Variants in SPICE1 observed in about 807,000 individuals in gnomAD.
The protein encoded by SPICE1 is spindle and centriole associated protein 1.
SPICE1 carries 75 observed loss-of-function variants against 102.7 expected under a neutral mutation model. The ratio of observed to expected loss-of-function variants is 0.73; its 90% CI spans 0.61 to 0.88. The LOEUF (loss-of-function observed/expected upper bound fraction) is 0.88. Among genes scored for constraint, SPICE1 ranks in the 40% least tolerant of loss-of-function variants. The probability of loss-of-function intolerance (pLI) is 0.00; values close to 1 mark genes in which losing one functional copy is unlikely to be tolerated. For synonymous variants in SPICE1, 308 were observed against 350.3 expected, an observed-to-expected ratio of 0.88 and a Z score of 1.35; for missense variants, 979 against 1,020.1, an observed-to-expected ratio of 0.96 and a Z score of 0.55.
At chr3:113,454,308 T>C (rs1447270177) in intron 13 of SPICE1, among the ~76,000 whole-genome samples, 2 of 152,126 alleles carry the variant, frequency 1.3e-5, no homozygotes, top group Admixed American at 6.5e-5. Flanking sequence ...TCTGAGGAAG[T>C]AAAATTTTTA....
rs1204203029 is a variant in SPICE1 at position 113,468,211 on chromosome 3, G to A, written c.1083C>T (p.Ser361=). 3 of 1,614,042 alleles carry A rather than the reference G, an allele frequency of 1.9e-6. No individual in the cohort carries two copies. Among genetic ancestry groups the A allele is most frequent in the Non-Finnish European group, 2.5e-6 (3 of 1,180,038 alleles). The stretch of plus-strand genomic sequence containing the variant: ...AAGTGAAGCCTGTAAGACCCTGACT[G>A]CTCTGCAGACCCTTGACCTCGCGAC... The part of the protein sequence containing the change: ...WTGREVKGLQ[S]SQGLTGFTLS... Residue 361 remains serine (S), a synonymous_variant, in exon 10 of 18, where the codon AGC becomes AGT. Coordinates refer to ENST00000295872, the MANE Select transcript of SPICE1 (RefSeq NM_144718.4).
At chr3:113,469,922 G>C (rs1936156153) in intron 7 of SPICE1, among the ~76,000 whole-genome samples, 1 of 152,144 alleles carries the variant, frequency 6.6e-6, no homozygotes, top group Non-Finnish European at 1.5e-5. Context: ...AGAGCAGCCA[G>C]TCTCTGCTCA....
chr3:113,460,032 T>C (rs1935889597), intron 12 of SPICE1: 1 of 985,322 alleles, frequency 1.0e-6, no homozygotes, highest in Non-Finnish European at 1.2e-6. Flanking sequence ...AAAACACTTT[T>C]CTTACAGATA....
chr3:113,489,588 A>G (rs902180253), intron 6 of SPICE1, among the ~76,000 whole-genome samples: 1 of 152,096 alleles, frequency 6.6e-6, no homozygotes, highest in African/African-American at 2.4e-5. Flanking sequence ...GCTCATGCCT[A>G]AAACTCTAGC....
chr3:113,511,028 G>A (rs913368932), intron 1 of SPICE1, among the ~76,000 whole-genome samples: 21 of 152,126 alleles, frequency 1.4e-4, no homozygotes, highest in African/African-American at 2.9e-4. Flanking sequence ...ATCACTGATC[G>A]TTAGAGAAAT....
At chr3:113,477,239 T>C (rs1207359373) in intron 7 of SPICE1, among the ~76,000 whole-genome samples, 15 of 152,078 alleles carry the variant, frequency 9.9e-5, no homozygotes, top group South Asian at 6.2e-4. Context: ...CAATGAGATA[T>C]CATCTCACAC....
At chr3:113,452,220 A>G (rs1164708972) in intron 14 of SPICE1, among the ~76,000 whole-genome samples, 1 of 152,200 alleles carries the variant, frequency 6.6e-6, no homozygotes, top group African/African-American at 2.4e-5. Context: ...TAAAATGCAG[A>G]CCTTTGCTAC....
chr3:113,474,048 C>T (rs1026145318), intron 7 of SPICE1, among the ~76,000 whole-genome samples: 3 of 151,856 alleles, frequency 2.0e-5, no homozygotes, highest in East Asian at 3.9e-4. Flanking sequence ...ACCCATCTCA[C>T]GTGCAGAGAC....
chr3:113,460,848 CGT>C, intron 11 of SPICE1, 84 bp from the exon 12 acceptor site: 1 of 1,258,710 alleles, frequency 7.9e-7, no homozygotes, highest in Non-Finnish European at 1.1e-6. Flanking sequence ...ACAAAGGATA[CGT>C]GTGTTTAATA....
chr3:113,482,469 C>G (rs186503272), intron 7 of SPICE1, among the ~76,000 whole-genome samples: 114 of 152,158 alleles, frequency 7.5e-4, no homozygotes, highest in Non-Finnish European at 1.3e-3. Context: ...AGTTTTAGAC[C>G]TGAAGCCTTT....
intron 1 of SPICE1, chr3:113,514,446 A>C (rs1937283792): frequency 2.8e-6 from 1 of 360,388 alleles, no homozygotes; most frequent in African/African-American, 2.1e-5. Flanking sequence ...CACTGTCAAA[A>C]GCAATCCAAC....
At chr3:113,494,389 T>C (rs1025790696) in intron 4 of SPICE1, among the ~76,000 whole-genome samples, 2 of 152,174 alleles carry the variant, frequency 1.3e-5, no homozygotes, top group African/African-American at 2.4e-5. Flanking sequence ...GGCTCACGCC[T>C]GTAATCCCAG....
chr3:113,504,010 G>T (rs1196522068), intron 2 of SPICE1, among the ~76,000 whole-genome samples: 1 of 149,352 alleles, frequency 6.7e-6, no homozygotes, highest in Non-Finnish European at 1.5e-5. Flanking sequence ...CTTAAGCATA[G>T]ATGCTACTAC....
chr3:113,459,819 T>C, intron 12 of SPICE1: 2 of 935,332 alleles, frequency 2.1e-6, no homozygotes, highest in East Asian at 2.3e-4. Flanking sequence ...AAGGCGGAGG[T>C]TGCAGTAAGC....
At chr3:113,448,485 A>G (rs890846169) in intron 15 of SPICE1, among the ~76,000 whole-genome samples, 1 of 144,694 alleles carries the variant, frequency 6.9e-6, no homozygotes, top group Admixed American at 6.8e-5. Context: ...AAGTTTTCCC[A>G]AAAAAAAAGG....
intron 11 of SPICE1, among the ~76,000 whole-genome samples, chr3:113,462,530 G>A (rs1345616873): frequency 6.6e-6 from 1 of 152,190 alleles, no homozygotes; most frequent in East Asian, 1.9e-4. Context: ...TGTGGAACAG[G>A]AAATAAGAAT....
intron 1 of SPICE1, 54 bp from the exon 2 acceptor site, chr3:113,506,659 T>A: frequency 7.3e-7 from 1 of 1,366,412 alleles, no homozygotes; most frequent in Non-Finnish European, 1.0e-6. Context: ...ACAATAAGCA[T>A]CACCAGAGTG....
Position 113,465,768 on chromosome 3 carries a change from C to T in SPICE1, c.1172G>A (p.Arg391His), listed in dbSNP as rs1031269452. The T allele has an allele frequency of 1.7e-5, 28 of 1,613,000 alleles. No individual in the cohort carries two copies. Among genetic ancestry groups the T allele is most frequent in the Non-Finnish European group, 2.1e-5 (25 of 1,179,652 alleles). The change falls in exon 11 of 18, where the codon CGT (arginine) becomes CAT (histidine). Residue 391 changes from arginine to histidine, a missense_variant. Transcript: ENST00000295872. ...RYLKESEIQL[R>H]KEVETRQQLE... is the part of the protein sequence containing the mutation. The stretch of plus-strand genomic sequence containing the variant: ...TTGTTGCCTTGTCTCTACTTCTTTA[C>T]GTAGCTGGATCTCACTCTACAAAAA...
At chr3:113,509,899 T>C (rs1230016837) in intron 1 of SPICE1, among the ~76,000 whole-genome samples, 3 of 152,216 alleles carry the variant, frequency 2.0e-5, no homozygotes, top group Admixed American at 6.5e-5. Context: ...TTGCACTCAC[T>C]TTCTCTCCTG....
Sources: gnomAD v4.1 joint callset for allele counts (sites outside exome capture counted in the v4.1 genomes callset) on GRCh38, gnomAD v4.1.1 for gene constraint, MANE v1.5 for transcripts, NCBI Gene and HGNC (gene_info 2026-07-23, HGNC 2026-07-21) for gene names.